NEMF: variants seen among roughly 807,000 people sequenced by gnomAD.
NEMF encodes nuclear export mediator factor.
A neutral mutation model predicts 162.2 loss-of-function variants in NEMF; 89 were observed. The observed-to-expected ratio is 0.55, with a 90% confidence interval of 0.46 to 0.65. NEMF has a LOEUF of 0.65. Among genes scored for constraint, NEMF ranks in the 30% least tolerant of loss-of-function variants. The pLI is 0.00. For synonymous variants in NEMF, 421 were observed against 404.5 expected (o/e 1.04, Z -0.49); for missense variants, 1,133 against 1,261.9 (o/e 0.90, Z 1.55).
intron 22 of NEMF, among the ~76,000 whole-genome samples, chr14:49,802,091 G>A (rs1481724893): frequency 2.0e-5 from 3 of 151,604 alleles, no homozygotes; most frequent in Admixed American, 2.0e-4. Flanking sequence ...TTCAGTAGCT[G>A]GGACTATAGG....
In NEMF at chr14:49,782,899, C is replaced by G; in HGVS notation, c.*1737G>C. On this transcript the variant is annotated 3_prime_UTR_variant, in exon 33 of 33. Coordinates refer to ENST00000298310, the MANE Select transcript of NEMF (RefSeq NM_004713.6). ...ACTCATGGAACTGCCTTCCAAAACA[C>G]TTACTTCACAGTGTTAATCAGAGGT... is the stretch of plus-strand genomic sequence containing the variant. 1 of 1,613,794 alleles carries G rather than the reference C, an allele frequency of 6.2e-7. No homozygotes were observed. Among genetic ancestry groups the G allele is most frequent in the Non-Finnish European group, 8.5e-7 (1 of 1,179,754 alleles).
chr14:49,800,308 G>T, intron 23 of NEMF, 112 bp downstream of exon 23: 1 of 836,086 alleles, frequency 1.2e-6, no homozygotes, highest in Non-Finnish European at 1.8e-6. Flanking sequence ...AAAGTATTAA[G>T]ACAATGGAGT....
At chr14:49,829,808 T>C (rs1335542967) in intron 11 of NEMF, among the ~76,000 whole-genome samples, 2 of 152,208 alleles carry the variant, frequency 1.3e-5, no homozygotes, top group Non-Finnish European at 2.9e-5. Context: ...CGGGTCCCGC[T>C]ATGTTGCCCA....
At chr14:49,803,929 G>A (rs1410078539) in intron 19 of NEMF, among the ~76,000 whole-genome samples, 1 of 151,984 alleles carries the variant, frequency 6.6e-6, no homozygotes, top group Non-Finnish European at 1.5e-5. Flanking sequence ...TTATCATAAA[G>A]CTATGTTTAC....
chr14:49,821,648 C>T (rs1314391845), intron 16 of NEMF, among the ~76,000 whole-genome samples: 1 of 116,372 alleles, frequency 8.6e-6, no homozygotes, highest in African/African-American at 3.3e-5. Flanking sequence ...GGGGCTCAGC[C>T]CCCCGCCCGG....
intron 25 of NEMF, among the ~76,000 whole-genome samples, chr14:49,798,770 G>A (rs914908978): frequency 7.2e-5 from 11 of 152,266 alleles, no homozygotes; most frequent in African/African-American, 2.6e-4. Context: ...AGCCGGGCAT[G>A]GTGGTGGGCG....
At chr14:49,805,996 GA>G in intron 19 of NEMF, 24 bp downstream of exon 19, 1 of 1,527,824 alleles carries the variant, frequency 6.5e-7, no homozygotes. Context: ...AGTAAATTAA[GA>G]AAAAGGACAA....
Position 49,840,809 on chromosome 14 carries a change from T to C in NEMF, c.415A>G (p.Thr139Ala). ...AATTTAACATCATCTGCCTCATCAGTTCGAAACCTTAGAATATTTAAAATT... is the reference window on the plus strand; with the variant it reads ...AATTTAACATCATCTGCCTCATCAGCTCGAAACCTTAGAATATTTAAAATT... ...YVILNILRFR[T>A]DEADDVKFAV... The change falls in exon 5 of 33, where the codon ACT becomes GCT. Residue 139 changes from threonine to alanine, a missense_variant. Physicochemically the swap from Thr to Ala is moderately conservative, Grantham distance 58. This residue lies in a region of NEMF where 582 missense variants were observed against 631.5 expected (regional missense o/e 0.92). Coordinates refer to ENST00000298310, the MANE Select transcript of NEMF (RefSeq NM_004713.6). The C allele has an allele frequency of 6.2e-7, 1 of 1,613,740 alleles. No individual in the cohort carries two copies. The highest frequency in any genetic ancestry group is 8.5e-7 in the Non-Finnish European group (1 of 1,179,724).
At chr14:49,839,897 T>G (rs1177482316) in intron 5 of NEMF, 1 of 152,224 alleles carries the variant, frequency 6.6e-6, no homozygotes. Context: ...CGGTCGCTCA[T>G]ACCTGTAACT....
At chr14:49,837,674 C>T (rs1892971524) in intron 6 of NEMF, among the ~76,000 whole-genome samples, 11 of 151,954 alleles carry the variant, frequency 7.2e-5, no homozygotes, top group Admixed American at 7.2e-4. Context: ...ATCAATGGTA[C>T]CTGCCTCCCC....
chr14:49,800,151 T>C (rs1304491662), intron 23 of NEMF, among the ~76,000 whole-genome samples: 6 of 152,188 alleles, frequency 3.9e-5, no homozygotes, highest in Non-Finnish European at 8.8e-5. Context: ...ACACATTTCT[T>C]TGATGGAATT....
intron 3 of NEMF, among the ~76,000 whole-genome samples, chr14:49,848,191 T>A (rs578121268): frequency 8.5e-5 from 13 of 152,212 alleles, no homozygotes; most frequent in African/African-American, 2.2e-4. Context: ...TTTACTAATA[T>A]AACCCAAAGA....
intron 28 of NEMF, chr14:49,786,980 A>C: frequency 4.3e-6 from 2 of 463,230 alleles, no homozygotes; most frequent in South Asian, 6.9e-5. Context: ...CAAGAGAAGA[A>C]GGGTAGTTCT....
intron 18 of NEMF, among the ~76,000 whole-genome samples, chr14:49,806,584 A>C (rs1043434443): frequency 2.0e-5 from 3 of 151,712 alleles, no homozygotes; most frequent in Non-Finnish European, 4.4e-5. Flanking sequence ...CTTAAATACT[A>C]ATACATTTTT....
chr14:49,827,608 T>C (rs1296384795), intron 15 of NEMF, among the ~76,000 whole-genome samples: 3 of 152,066 alleles, frequency 2.0e-5, no homozygotes, highest in African/African-American at 7.2e-5. Context: ...AGGTCAGCAG[T>C]TTGAGACCAA....
Position 49,784,920 on chromosome 14 carries a change from T to A in NEMF, c.3153+5A>T, listed in dbSNP as rs373741301. 8.1e-6 allele frequency: 13 copies of A among 1,611,458 alleles called. No individual in the cohort carries two copies. The African/African-American group carries it at 1.7e-4, about 22-fold the overall frequency. Reference sequence around the variant, plus strand: ...CCACATTCCTTTTCTGAAGGAGAACTTTACCTTTACGCTGCGGAATAAGTC... The same window carrying A: ...CCACATTCCTTTTCTGAAGGAGAACATTACCTTTACGCTGCGGAATAAGTC... On this transcript the variant is annotated splice_donor_5th_base_variant and intron_variant, in intron 32 of 32. Transcript: ENST00000298310.
chr14:49,795,821 C>T lies in NEMF; in HGVS notation c.2589G>A (p.Ala863=), dbSNP rs561065754. The T allele has an allele frequency of 7.5e-5, 121 of 1,612,636 alleles. No homozygotes were observed. Among genetic ancestry groups the T allele is most frequent in the Non-Finnish European group, 9.9e-5 (117 of 1,179,704 alleles). ...GTCCTCGTTTCATTGGCTGCACAGCCGCAACATTTTTGCTTGTGTTCTGAT... is the reference window on the plus strand; with the variant it reads ...GTCCTCGTTTCATTGGCTGCACAGCTGCAACATTTTTGCTTGTGTTCTGAT... ...ETHQNTSKNV[A]AVQPMKRGQK... The change falls in exon 26 of 33, where the codon GCG becomes GCA. Residue 863 remains alanine (A), a synonymous_variant. Transcript: ENST00000298310.
In NEMF at chr14:49,785,215, C is replaced by T; in HGVS notation, c.3029+5G>A. On this transcript the variant is annotated splice_donor_5th_base_variant and intron_variant, in intron 30 of 32. Coordinates refer to ENST00000298310, the MANE Select transcript of NEMF (RefSeq NM_004713.6). ...AAGCCATTCTGTCAACTAATGGTAA[C>T]TTACTTGTAGTTTGTCATGGTGGTG... is the stretch of plus-strand genomic sequence containing the variant. The T allele has an allele frequency of 1.9e-6, 3 of 1,610,872 alleles. No individual in the cohort carries two copies. Among genetic ancestry groups the T allele is most frequent in the Non-Finnish European group, 2.5e-6 (3 of 1,177,112 alleles).
intron 16 of NEMF, among the ~76,000 whole-genome samples, chr14:49,818,652 A>G (rs1056856806): frequency 6.6e-6 from 1 of 152,182 alleles, no homozygotes; most frequent in African/African-American, 2.4e-5. Context: ...AAAGGGTATA[A>G]AGAAGATCTC....
Sources: gnomAD v4.1 joint callset for allele counts (sites outside exome capture counted in the v4.1 genomes callset) on GRCh38, gnomAD v4.1.1 for gene constraint, gnomAD v4.1.1 regional missense constraint, MANE v1.5 for transcripts, NCBI Gene and HGNC (gene_info 2026-07-23, HGNC 2026-07-21) for gene names.